LYPD3: variants seen among roughly 807,000 people sequenced by gnomAD.
LYPD3 encodes LY6/PLAUR domain containing 3.
LYPD3 carries 22 observed loss-of-function variants against 21.7 expected under a neutral mutation model. That is an observed-to-expected ratio of 1.01 (90% CI 0.72 to 1.45). The LOEUF (loss-of-function observed/expected upper bound fraction) is 1.45. LYPD3 is among the 40% of genes most tolerant of loss of function. The pLI, the probability that LYPD3 is intolerant of heterozygous loss-of-function variation, is 0.00. For synonymous variants in LYPD3, 179 were observed against 203.0 expected, an observed-to-expected ratio of 0.88 and a Z score of 1.00; for missense variants, 471 against 466.9, an observed-to-expected ratio of 1.01 and a Z score of -0.08.
At chr19:43,463,948 G>A in intron 2 of LYPD3, 179 bp from the exon 3 acceptor site, 1 of 689,718 alleles carries the variant, frequency 1.4e-6, no homozygotes, top group Non-Finnish European at 2.5e-6. Context: ...AAGAACGACC[G>A]AAGCAGGGAG....
intron 4 of LYPD3, 34 bp downstream of exon 4, chr19:43,463,092 C>T (rs1970787990): frequency 6.2e-7 from 1 of 1,607,098 alleles, no homozygotes; most frequent in South Asian, 1.1e-5. Context: ...GCTACCACAA[C>T]TCCCGTAGGT....
chr19:43,463,497 C>G, intron 3 of LYPD3, 102 bp downstream of exon 3: 1 of 1,468,332 alleles, frequency 6.8e-7, no homozygotes, highest in Non-Finnish European at 9.2e-7. Flanking sequence ...ACCCCACCCC[C>G]AGCCCAGGTC....
At position 43,461,719 on chromosome 19, in the gene LYPD3, G is replaced by C; in HGVS notation, c.673C>G (p.Leu225Val). 6.2e-7 allele frequency: 1 copy of C among 1,614,150 alleles called. No individual in the cohort carries two copies. Among genetic ancestry groups the C allele is most frequent in the Non-Finnish European group, 8.5e-7 (1 of 1,180,020 alleles). Residue 225 changes from leucine to valine, a missense_variant, in exon 5 of 5, where the codon CTC becomes GTC. By Grantham distance (32) the Leu-to-Val change is conservative (BLOSUM62 1). Coordinates refer to ENST00000244333, the MANE Select transcript of LYPD3 (RefSeq NM_014400.3). ...GGGGAGAAGTAGGTCTTGTTGCGGA[G>C]GTCAGAGTTACAGCGGGACCCCTGG... is the stretch of plus-strand genomic sequence containing the variant. Reference protein sequence around the residue: ...CCQGSRCNSDLRNKTYFSPRI... With the variant: ...CCQGSRCNSDVRNKTYFSPRI...
rs1568467990 is a variant in LYPD3 at position 43,464,336 on chromosome 19, GC to G, written c.199del (p.Ala67ArgfsTer80). 1.2e-6 allele frequency: 2 copies of G among 1,609,152 alleles called. No individual in the cohort carries two copies. Among genetic ancestry groups the G allele is most frequent in the South Asian group, 1.1e-5 (1 of 90,458 alleles). On this transcript the variant is annotated frameshift_variant, in exon 2 of 5. Transcript: ENST00000244333. LOFTEE classifies it high-confidence loss of function. ...GGGTCCCCACTCACTGGTCTCCACC[GC>G]CCCCACGGCCTCGGTGCAGACGTCC... ...GVDVCTEAVG[A>X]VETIHGQFSL...
chr19:43,464,326 G>A lies in LYPD3; in HGVS notation c.210C>T (p.Thr70=), dbSNP rs760099727. The change falls in exon 2 of 5, where the codon ACC becomes ACT. Residue 70 remains threonine (T), a splice_region_variant and synonymous_variant. Coordinates refer to ENST00000244333, the MANE Select transcript of LYPD3 (RefSeq NM_014400.3). ...VCTEAVGAVE[T]IHGQFSLAVR... is the part of the protein sequence containing the mutation. Reference sequence around the variant, plus strand: ...CGTGGCCCGGGGGTCCCCACTCACTGGTCTCCACCGCCCCCACGGCCTCGG... The same window carrying A: ...CGTGGCCCGGGGGTCCCCACTCACTAGTCTCCACCGCCCCCACGGCCTCGG... The A allele has an allele frequency of 2.5e-6, 4 of 1,604,586 alleles. No homozygotes were observed. Among genetic ancestry groups the A allele is most frequent in the East Asian group, 2.3e-5 (1 of 44,400 alleles).
intron 2 of LYPD3, 85 bp downstream of exon 2, chr19:43,464,240 G>A: frequency 6.6e-7 from 1 of 1,508,562 alleles, no homozygotes. Context: ...AAGGGGCGTG[G>A]CCAGATCCAG....
intron 1 of LYPD3, 125 bp from the exon 2 acceptor site, chr19:43,464,581 G>T: frequency 8.0e-7 from 1 of 1,257,396 alleles, no homozygotes; most frequent in Admixed American, 2.2e-5. Flanking sequence ...ACTTTTCCAG[G>T]GCAGGAGTAG....
At chr19:43,464,914 T>C (rs1378723018) in intron 1 of LYPD3, among the ~76,000 whole-genome samples, 1 of 137,016 alleles carries the variant, frequency 7.3e-6, no homozygotes, top group Non-Finnish European at 1.5e-5. Flanking sequence ...GGGAACACTT[T>C]TTTCTTTTTT....
At chr19:43,461,976 C>T in intron 4 of LYPD3, 129 bp from the exon 5 acceptor site, 1 of 944,434 alleles carries the variant, frequency 1.1e-6, no homozygotes, top group East Asian at 2.6e-5. Flanking sequence ...CCTGTAATCC[C>T]AGCACTTTGG....
chr19:43,465,387 C>G, intron 1 of LYPD3, 106 bp downstream of exon 1: 1 of 1,321,444 alleles, frequency 7.6e-7, no homozygotes, highest in African/African-American at 1.4e-5. Flanking sequence ...GTGCCCTCTG[C>G]TTATGTGGGG....
chr19:43,463,395 G>T, intron 3 of LYPD3, 108 bp from the exon 4 acceptor site: 1 of 1,402,504 alleles, frequency 7.1e-7, no homozygotes, highest in South Asian at 1.2e-5. Flanking sequence ...CGATGACCCC[G>T]CCTACTAGTA....
chr19:43,462,722 T>C (rs895482843), intron 4 of LYPD3, among the ~76,000 whole-genome samples: 3 of 152,160 alleles, frequency 2.0e-5, no homozygotes, highest in African/African-American at 7.2e-5. Flanking sequence ...TGGCAGGGGA[T>C]GGGATTTGAA....
chr19:43,464,814 C>T (rs1327325136), intron 1 of LYPD3, among the ~76,000 whole-genome samples: 4 of 152,140 alleles, frequency 2.6e-5, no homozygotes, highest in Non-Finnish European at 5.9e-5. Flanking sequence ...ACTTTTCCCA[C>T]AGTAGACTGT....
Position 43,461,652 on chromosome 19 carries a change from G to T in LYPD3, c.740C>A (p.Thr247Lys), listed in dbSNP as rs28477226. ...PLVRLPPPEP[T>K]TVASTTSVTT... ...GACAGATGTGGTTGAGGCCACAGTC[G>T]TGGGCTCTGGAGGGGGCAGCCGGAC... The change falls in exon 5 of 5, where the codon ACG (threonine) becomes AAG (lysine). Residue 247 changes from threonine (T) to lysine (K), a missense_variant. By Grantham distance (78) the Thr-to-Lys change is moderately conservative. Coordinates refer to ENST00000244333, the MANE Select transcript of LYPD3 (RefSeq NM_014400.3). 10,461 of 1,614,110 alleles carry T rather than the reference G, an allele frequency of 6.5e-3. 330 individuals are homozygous for T. In the African/African-American group the frequency reaches 0.09, roughly 14 times the overall value.
intron 1 of LYPD3, among the ~76,000 whole-genome samples, chr19:43,464,723 C>T (rs1412636201): frequency 6.6e-6 from 1 of 152,126 alleles, no homozygotes; most frequent in Non-Finnish European, 1.5e-5. Context: ...GCCATGAAGC[C>T]CCTCATCCCG....
intron 3 of LYPD3, 142 bp from the exon 4 acceptor site, chr19:43,463,429 G>T (rs1599922403): frequency 7.3e-7 from 1 of 1,363,078 alleles, no homozygotes; most frequent in Non-Finnish European, 1.0e-6. Flanking sequence ...GCGCAACCTC[G>T]CGGCGCCTAC....
intron 1 of LYPD3, among the ~76,000 whole-genome samples, chr19:43,465,243 CT>C (rs796645663): frequency 6.6e-5 from 10 of 152,250 alleles, no homozygotes; most frequent in African/African-American, 2.4e-4. Flanking sequence ...CAGGGGACTT[CT>C]TTCTGCAGCT....
rs1393389894 is a variant in LYPD3, at chr19:43,464,449, C to T, written c.87G>A (p.Gln29=). The T allele has an allele frequency of 6.2e-7, 1 of 1,614,066 alleles. No homozygotes were observed. Among genetic ancestry groups the T allele is most frequent in the East Asian group, 2.2e-5 (1 of 44,886 alleles). The change falls in exon 2 of 5, where the codon CAG becomes CAA. Residue 29 remains glutamine (Q), a synonymous_variant. Transcript: ENST00000244333. ...GCACGCAGCTGTAGCACTCCAGGGC[C>T]TGCGCTCCTGGGGGAGCGGAGCCGA... ...LLLLLLRGGA[Q]ALECYSCVQK... is the part of the protein sequence containing the mutation.
At chr19:43,465,427 C>T in intron 1 of LYPD3, 66 bp downstream of exon 1, 1 of 1,551,904 alleles carries the variant, frequency 6.4e-7, no homozygotes, top group Non-Finnish European at 8.8e-7. Context: ...CTGTACGGGG[C>T]CAGAGGAGCC....
Sources: gnomAD v4.1 joint callset for allele counts (sites outside exome capture counted in the v4.1 genomes callset) on GRCh38, gnomAD v4.1.1 for gene constraint, MANE v1.5 for transcripts, NCBI Gene and HGNC (gene_info 2026-07-23, HGNC 2026-07-21) for gene names.